The following NPFFR2 variants were observed in gnomAD, a reference collection of about 807,000 sequenced individuals.
The protein encoded by NPFFR2 is G-protein coupled receptor 74.
Under a neutral mutation model 13.1 loss-of-function variants are expected in NPFFR2, and 15 were observed. The observed-to-expected ratio is 1.15, with a 90% CI of 0.77 to 1.76. The LOEUF (loss-of-function observed/expected upper bound fraction) is 1.76, where lower values mean the gene tolerates loss of function less well. Ranked by LOEUF, NPFFR2 falls within the 40% of genes most tolerant of loss-of-function variation. NPFFR2 has a pLI of 0.00. For synonymous variants in NPFFR2, 190 were observed against 175.7 expected (o/e 1.08, Z -0.65); for missense variants, 572 against 503.5 (o/e 1.14, Z -1.30).
intron 1 of NPFFR2, among the ~76,000 whole-genome samples, chr4:72,038,914 T>TTC (rs1473791628): frequency 3.8e-5 from 5 of 132,990 alleles, no homozygotes; most frequent in African/African-American, 1.4e-4. Context: ...TCTTTTTTTT[T>TTC]TTTTTTTTTT....
intron 2 of NPFFR2, among the ~76,000 whole-genome samples, chr4:72,133,396 T>C (rs1027729633): frequency 6.6e-5 from 10 of 152,206 alleles, no homozygotes; most frequent in African/African-American, 2.4e-4. Context: ...TACCATGCTA[T>C]TTTCATTACC....
At chr4:72,125,093 AC>A (rs1721998537) in intron 1 of NPFFR2, among the ~76,000 whole-genome samples, 2 of 152,322 alleles carry the variant, frequency 1.3e-5, no homozygotes, top group African/African-American at 4.8e-5. Flanking sequence ...AGAAAAAACA[AC>A]CCCATCAAAA....
chr4:72,111,763 A>G lies in NPFFR2; in HGVS notation c.-7-16822A>G, dbSNP rs544592736. On this transcript the variant is annotated intron_variant, in intron 1 of 3. Coordinates refer to ENST00000308744, the MANE Select transcript of NPFFR2 (RefSeq NM_004885.3). ...AAGGGAACATTCTCTATTAGCACAT[A>G]ATATCTATCCCAATTATGCATTCAG... Among the ~76,000 whole-genome samples the G allele has an allele frequency of 1.2e-4, 18 of 152,138 alleles. No individual in the cohort carries two copies. The South Asian group carries it at 2.5e-3, about 21-fold the overall frequency.
At chr4:72,067,977 C>T (rs530939797) in intron 1 of NPFFR2, among the ~76,000 whole-genome samples, 3 of 152,196 alleles carry the variant, frequency 2.0e-5, no homozygotes, top group Non-Finnish European at 4.4e-5. Flanking sequence ...TCTGAGCCCT[C>T]ATCAGAATCA....
chr4:72,143,325 G>T (rs921877755), intron 3 of NPFFR2, among the ~76,000 whole-genome samples: 3 of 152,166 alleles, frequency 2.0e-5, no homozygotes, highest in African/African-American at 7.2e-5. Context: ...TTCAGTCCAA[G>T]TCCCAAAGCC....
intron 2 of NPFFR2, among the ~76,000 whole-genome samples, chr4:72,133,464 T>C (rs1244531476): frequency 6.6e-6 from 1 of 152,204 alleles, no homozygotes; most frequent in Non-Finnish European, 1.5e-5. Context: ...TTTGTTCTTT[T>C]TACTTAGGAT....
At chr4:72,134,807 G>A (rs889629477) in intron 2 of NPFFR2, among the ~76,000 whole-genome samples, 3 of 151,974 alleles carry the variant, frequency 2.0e-5, no homozygotes, top group Admixed American at 6.6e-5. Context: ...ATAGGAACAC[G>A]TTACTCCCAG....
intron 1 of NPFFR2, among the ~76,000 whole-genome samples, chr4:72,105,745 A>G (rs1721401000): frequency 6.6e-6 from 1 of 152,030 alleles, no homozygotes; most frequent in South Asian, 2.1e-4. Context: ...ATACAATATA[A>G]CCTTAAATGA....
chr4:72,096,304 T>C (rs1483401716), intron 1 of NPFFR2, among the ~76,000 whole-genome samples: 4 of 152,202 alleles, frequency 2.6e-5, no homozygotes, highest in African/African-American at 9.6e-5. Flanking sequence ...CTTCTGCTTT[T>C]GTATTAGCAT....
At chr4:72,051,434 C>A (rs1240564645) in intron 1 of NPFFR2, among the ~76,000 whole-genome samples, 1 of 151,722 alleles carries the variant, frequency 6.6e-6, no homozygotes, top group Non-Finnish European at 1.5e-5. Flanking sequence ...TAAAGATGTT[C>A]TTTGAAACCA....
At chr4:72,146,857 C>A in intron 3 of NPFFR2, 121 bp from the exon 4 acceptor site, 1 of 678,116 alleles carries the variant, frequency 1.5e-6, no homozygotes, top group Non-Finnish European at 2.6e-6. Flanking sequence ...CAAATGGTAA[C>A]TTTCTATATT....
chr4:72,130,658 G>A (rs1722207539), intron 2 of NPFFR2, among the ~76,000 whole-genome samples: 1 of 152,176 alleles, frequency 6.6e-6, no homozygotes, highest in Admixed American at 6.5e-5. Flanking sequence ...CCTTGTGGGA[G>A]GGGGAGCATG....
rs116142000 is a variant in NPFFR2, at chr4:72,060,458, T to G, written c.-8+28258T>G. ...ACTGACCAATGCATTTCCCAGTGCT[T>G]TGGTAAAATAGAAAGTTCTCTGGGC... On this transcript the variant is annotated intron_variant, in intron 1 of 3. Coordinates refer to ENST00000308744, the MANE Select transcript of NPFFR2 (RefSeq NM_004885.3). Among the ~76,000 whole-genome samples the G allele has an allele frequency of 8.3e-4, 126 of 152,206 alleles. 1 individual carries two copies. The highest frequency in any genetic ancestry group is 3.0e-3 in the African/African-American group (124 of 41,562).
Position 72,147,205 on chromosome 4 carries a change from A to G in NPFFR2, c.656A>G (p.Tyr219Cys), listed in dbSNP as rs1326082230. The G allele has an allele frequency of 2.5e-6, 4 of 1,614,134 alleles. No homozygotes were observed. The Admixed American group carries it at 5.0e-5, about 20-fold the overall frequency. Residue 219 changes from tyrosine to cysteine, a missense_variant, in exon 4 of 4, where the codon TAC (tyrosine) becomes TGC (cysteine). Tyr to Cys is a radical substitution (Grantham distance 194). Transcript: ENST00000308744. ...DWPNQEMRKI[Y>C]TTVLFANIYL... ...CCAAATCAGGAAATGAGGAAGATCT[A>G]CACCACTGTGCTGTTTGCCAACATC...
At chr4:72,056,608 G>A (rs527863354) in intron 1 of NPFFR2, among the ~76,000 whole-genome samples, 1 of 152,094 alleles carries the variant, frequency 6.6e-6, no homozygotes, top group South Asian at 2.1e-4. Context: ...CACAAATAGT[G>A]CTTCTTCTGA....
chr4:72,101,859 T>C (rs1006438816), intron 1 of NPFFR2, among the ~76,000 whole-genome samples: 1 of 152,056 alleles, frequency 6.6e-6, no homozygotes, highest in African/African-American at 2.4e-5. Context: ...CCAGAAGATA[T>C]ACCTAAGCCC....
At chr4:72,141,684 G>A (rs1722631177) in intron 3 of NPFFR2, among the ~76,000 whole-genome samples, 1 of 152,074 alleles carries the variant, frequency 6.6e-6, no homozygotes, top group Non-Finnish European at 1.5e-5. Flanking sequence ...TTCCAACTAT[G>A]TGGTCAGTTT....
intron 1 of NPFFR2, among the ~76,000 whole-genome samples, chr4:72,124,019 C>T (rs571421184): frequency 9.2e-5 from 14 of 152,216 alleles, no homozygotes; most frequent in South Asian, 6.2e-4. Flanking sequence ...AAAACCCCAT[C>T]GTCTCAGCCC....
chr4:72,095,268 C>T (rs1183995948), intron 1 of NPFFR2, among the ~76,000 whole-genome samples: 5 of 152,268 alleles, frequency 3.3e-5, no homozygotes, highest in East Asian at 1.9e-4. Context: ...CTTGTACTGG[C>T]TTCTGAGAAC....
Sources: gnomAD v4.1 joint callset for allele counts (sites outside exome capture counted in the v4.1 genomes callset) on GRCh38, gnomAD v4.1.1 for gene constraint, MANE v1.5 for transcripts, NCBI Gene and HGNC (gene_info 2026-07-23, HGNC 2026-07-21) for gene names.